The following ATP8B1 variants were observed in gnomAD, a reference collection of about 807,000 sequenced individuals.
ATP8B1 encodes the protein ATPase phospholipid transporting 8B1.
A neutral mutation model predicts 149.9 loss-of-function variants in ATP8B1; 80 were observed. The ratio of observed to expected loss-of-function variants is 0.53; its 90% confidence interval spans 0.45 to 0.64. ATP8B1 has a LOEUF of 0.64. Among genes scored for constraint, ATP8B1 ranks in the 30% least tolerant of loss-of-function variants. The pLI, the probability that ATP8B1 is intolerant of heterozygous loss-of-function variation, is 0.00. For missense variants in ATP8B1, 1,247 were observed against 1,552.6 expected, an observed-to-expected ratio of 0.80 and a Z score of 3.31; for synonymous variants, 536 against 562.8, an observed-to-expected ratio of 0.95 and a Z score of 0.67.
chr18:57,670,714 C>G (rs1911173464), intron 17 of ATP8B1, among the ~76,000 whole-genome samples: 1 of 150,912 alleles, frequency 6.6e-6, no homozygotes. Context: ...ATAGTCACAT[C>G]TTTTTTATTT....
chr18:57,775,668 G>T (rs2080300635), intron 1 of ATP8B1, among the ~76,000 whole-genome samples: 2 of 143,930 alleles, frequency 1.4e-5, no homozygotes, highest in East Asian at 2.0e-4. Context: ...TTTTGAAATG[G>T]AGTTTCGCTC....
chr18:57,671,657 C>G (rs1021644357), intron 16 of ATP8B1, 77 bp from the exon 17 acceptor site: 2 of 1,052,092 alleles, frequency 1.9e-6, no homozygotes, highest in East Asian at 5.2e-5. Context: ...GGGTCTTGCT[C>G]TGTTGTCCAG....
At chr18:57,680,239 T>C (rs1429301741) in intron 15 of ATP8B1, among the ~76,000 whole-genome samples, 1 of 122,106 alleles carries the variant, frequency 8.2e-6, no homozygotes, top group African/African-American at 3.2e-5. Flanking sequence ...ATTGCGGCAC[T>C]GTACTCCAAC....
intron 2 of ATP8B1, among the ~76,000 whole-genome samples, chr18:57,730,389 T>C (rs1235947759): frequency 2.1e-4 from 1 of 4,786 alleles, no homozygotes; most frequent in African/African-American, 2.3e-4. Flanking sequence ...ACCAGAACAC[T>C]ATGATAATGA....
At chr18:57,675,200 A>C (rs1911521334) in intron 15 of ATP8B1, among the ~76,000 whole-genome samples, 178 bp from the exon 16 acceptor site, 1 of 152,272 alleles carries the variant, frequency 6.6e-6, no homozygotes, top group African/African-American at 2.4e-5. Context: ...TCTTTGTTTT[A>C]TCTTGACTTA....
chr18:57,777,511 G>A (rs2123400535), intron 1 of ATP8B1, among the ~76,000 whole-genome samples: 1 of 152,264 alleles, frequency 6.6e-6, no homozygotes, highest in African/African-American at 2.4e-5. Context: ...CGTGCCTTTG[G>A]GTAGGAGAGT....
At chr18:57,666,502 C>A (rs1046072146) in intron 20 of ATP8B1, among the ~76,000 whole-genome samples, 1 of 148,416 alleles carries the variant, frequency 6.7e-6, no homozygotes, top group Non-Finnish European at 1.5e-5. Flanking sequence ...ATATTACAGG[C>A]TTTTTACGGA....
chr18:57,752,646 G>A (rs962916315), intron 1 of ATP8B1, among the ~76,000 whole-genome samples: 1 of 152,018 alleles, frequency 6.6e-6, no homozygotes, highest in Non-Finnish European at 1.5e-5. Flanking sequence ...ATTAACCATC[G>A]TAAACCTGAA....
intron 1 of ATP8B1, among the ~76,000 whole-genome samples, chr18:57,778,401 A>AT (rs148317260): frequency 6.7e-4 from 96 of 143,822 alleles, no homozygotes; most frequent in East Asian, 5.5e-3. Flanking sequence ...AATTTTTTGT[A>AT]TTTTTTTTTT....
At chr18:57,796,741 C>A (rs1348579995) in intron 1 of ATP8B1, among the ~76,000 whole-genome samples, 1 of 152,104 alleles carries the variant, frequency 6.6e-6, no homozygotes, top group Non-Finnish European at 1.5e-5. Flanking sequence ...GGCTAGAGTG[C>A]AGTGGTGCAA....
At chr18:57,691,764 A>G in intron 12 of ATP8B1, 43 bp downstream of exon 12, 2 of 1,607,154 alleles carry the variant, frequency 1.2e-6, no homozygotes, top group South Asian at 1.1e-5. Context: ...AGAAGGTACA[A>G]CATTCTTCCA....
At chr18:57,658,627 TTGTG>T (rs71171058) in intron 22 of ATP8B1, among the ~76,000 whole-genome samples, 20,369 of 144,956 alleles carry the variant, frequency 0.14, 1,610 homozygotes, top group South Asian at 0.18. Context: ...AACAATTTCT[TTGTG>T]TGTGTGTGTG....
intron 3 of ATP8B1, 27 bp from the exon 4 acceptor site, chr18:57,704,695 A>T: frequency 7.1e-7 from 1 of 1,407,068 alleles, no homozygotes; most frequent in East Asian, 2.3e-5. Context: ...GAGTCATTCT[A>T]AATGATGCTG....
intron 17 of ATP8B1, among the ~76,000 whole-genome samples, chr18:57,670,743 G>A (rs1447306318): frequency 6.6e-6 from 1 of 150,628 alleles, no homozygotes; most frequent in East Asian, 2.0e-4. Flanking sequence ...TTTTGCTCTT[G>A]TCGCCCAGGC....
intron 1 of ATP8B1, among the ~76,000 whole-genome samples, chr18:57,762,052 G>A (rs187517127): frequency 2.0e-4 from 30 of 150,892 alleles, no homozygotes; most frequent in Admixed American, 1.1e-3. Context: ...CTTAGTGTAC[G>A]CTGTTCACAT....
At chr18:57,660,370 A>G (rs1185699602) in intron 22 of ATP8B1, among the ~76,000 whole-genome samples, 4 of 152,228 alleles carry the variant, frequency 2.6e-5, no homozygotes, top group South Asian at 4.1e-4. Context: ...AGGTGACCCA[A>G]TGATGAAGTT....
chr18:57,690,243 G>A (rs1488239292), intron 12 of ATP8B1, among the ~76,000 whole-genome samples: 1 of 152,234 alleles, frequency 6.6e-6, no homozygotes, highest in Non-Finnish European at 1.5e-5. Context: ...CAAAGGCCCT[G>A]TGCAGGAAGA....
intron 12 of ATP8B1, among the ~76,000 whole-genome samples, chr18:57,689,940 C>G (rs1912447563): frequency 6.6e-6 from 1 of 152,200 alleles, no homozygotes; most frequent in Non-Finnish European, 1.5e-5. Context: ...CACTTGAACC[C>G]AGCAGGTGGA....
chr18:57,668,736 C>G, intron 18 of ATP8B1, 196 bp from the exon 19 acceptor site: 2 of 527,326 alleles, frequency 3.8e-6, no homozygotes. Flanking sequence ...CACCTAAAAA[C>G]TTTTTCCCTA....
Sources: allele counts gnomAD v4.1 joint callset (sites outside exome capture counted in the v4.1 genomes callset), GRCh38; gene constraint gnomAD v4.1.1; transcripts MANE v1.5; gene names NCBI Gene and HGNC (gene_info 2026-07-23, HGNC 2026-07-21).